BAZ2A: variants seen among roughly 807,000 people sequenced by gnomAD.
The protein encoded by BAZ2A is bromodomain adjacent to zinc finger domain protein 2A.
BAZ2A carries 34 observed loss-of-function variants against 199.9 expected under a neutral mutation model. The observed-to-expected ratio is 0.17, with a 90% confidence interval of 0.13 to 0.23. BAZ2A has a LOEUF of 0.23. Among genes scored for constraint, BAZ2A ranks in the 10% least tolerant of loss-of-function variants. The pLI is 1.00. For missense variants in BAZ2A, 2,002 were observed against 2,391.1 expected (o/e 0.84, Z 3.39); for synonymous variants, 857 against 883.9 (o/e 0.97, Z 0.54).
chr12:56,629,232 G>A (rs1026420316), intron 1 of BAZ2A, among the ~76,000 whole-genome samples: 5 of 152,138 alleles, frequency 3.3e-5, no homozygotes, highest in African/African-American at 1.2e-4. Flanking sequence ...TGTACAGATA[G>A]AGGTGGAAAG....
In BAZ2A at chr12:56,598,578, G is replaced by A; in HGVS notation, c.*40C>T. 2 of 1,595,324 alleles carry A rather than the reference G, an allele frequency of 1.3e-6. No homozygotes were observed. Among genetic ancestry groups the A allele is most frequent in the Middle Eastern group, 1.7e-4 (1 of 6,018 alleles). On this transcript the variant is annotated 3_prime_UTR_variant, in exon 29 of 29. Coordinates refer to ENST00000549884, the MANE Select transcript of BAZ2A (RefSeq NM_001300905.2). Reference sequence around the variant, plus strand: ...AATGGCAGGTTTTTGTTTGGAAGGTGGGGGGAGATGCCACAAGGTGACTCC... The same window carrying A: ...AATGGCAGGTTTTTGTTTGGAAGGTAGGGGGAGATGCCACAAGGTGACTCC...
intron 4 of BAZ2A, 57 bp downstream of exon 4, chr12:56,613,896 G>C (rs1458421716): frequency 1.3e-6 from 2 of 1,527,508 alleles, no homozygotes; most frequent in South Asian, 2.4e-5. Context: ...GTCTCTTTCA[G>C]GTAAAGTTTG....
intron 18 of BAZ2A, 26 bp downstream of exon 18, chr12:56,603,333 C>T (rs757154071): frequency 1.2e-6 from 2 of 1,611,010 alleles, no homozygotes; most frequent in Middle Eastern, 1.6e-4. Flanking sequence ...ATATCTCCAA[C>T]TCTTGGGAGG....
chr12:56,605,419 T>C lies in BAZ2A; in HGVS notation c.2494-92A>G, dbSNP rs181211417. 3.4e-5 allele frequency: 46 copies of C among 1,338,974 alleles called. No individual in the cohort carries two copies. The African/African-American group carries it at 6.7e-4, about 20-fold the overall frequency. 82.9% of individuals were successfully genotyped at this position (1,338,974 alleles called of 1,614,324 possible). ...CAAGAGGTTCTTCCTTTAATTTTTA[T>C]GTAATTTTTTTTTTTTTTTTGAGAT... On this transcript the variant is annotated intron_variant, in intron 13 of 28. Transcript: ENST00000549884.
intron 5 of BAZ2A, 21 bp downstream of exon 5, chr12:56,612,994 G>T: frequency 6.3e-7 from 1 of 1,591,192 alleles, no homozygotes; most frequent in Non-Finnish European, 8.6e-7. Context: ...GTCTTTCTTT[G>T]TCCTACCTAC....
rs1221272224 is a variant in BAZ2A, at chr12:56,630,172, G to A, written c.-50C>T. The A allele has an allele frequency of 1.0e-6, 1 of 985,628 alleles. No individual in the cohort carries two copies. Among genetic ancestry groups the A allele is most frequent in the Non-Finnish European group, 1.2e-6 (1 of 830,068 alleles). 61.1% of individuals were successfully genotyped at this position (985,628 alleles called of 1,614,324 possible). A position where few individuals can be genotyped will look rare whatever the true frequency, so the allele number is the denominator to read the frequency against. On this transcript the variant is annotated 5_prime_UTR_variant, in exon 1 of 29. Coordinates refer to ENST00000549884, the MANE Select transcript of BAZ2A (RefSeq NM_001300905.2). ...GGCTCGGGGCTCGTCTCTCCCCGGG[G>A]TACAAGCGGTTCACATGGCCGCGCT...
At chr12:56,609,645 A>G (rs1022462136) in intron 10 of BAZ2A, 91 bp downstream of exon 10, 6 of 1,313,282 alleles carry the variant, frequency 4.6e-6, no homozygotes, top group Non-Finnish European at 6.4e-6. Flanking sequence ...TGTTAGTTAC[A>G]CTCCTGGGAA....
At position 56,635,790 on chromosome 12, in the gene BAZ2A, G is replaced by A. The variant is rs991084720; in HGVS notation, c.4+392C>T. ...AAAGGCCTTAGAAAAATGAGAGGGA[G>A]GGGAGGCATTTTAAAGACCTTCCAG... is the stretch of plus-strand genomic sequence containing the variant. On this transcript the variant is annotated intron_variant, in intron 1 of 29. Coordinates refer to the BAZ2A transcript ENST00000379441. This position sits in a 1 kb window ranked among gnomAD's most constrained non-coding sequence, Gnocchi z 4.1. 6.6e-6 allele frequency among the ~76,000 whole-genome samples: 1 copy of A among 152,172 alleles called. No individual in the cohort carries two copies. The highest frequency in any genetic ancestry group is 2.1e-4 in the South Asian group (1 of 4,828).
At chr12:56,637,403 A>AT (rs139697666), upstream of BAZ2A, among the ~76,000 whole-genome samples, 634 of 152,334 alleles carry the variant, frequency 4.2e-3, 6 homozygotes, top group African/African-American at 0.015. Flanking sequence ...CCCTTGTAAG[A>AT]TTATCTTTTC....
At chr12:56,611,141 G>A (rs1304772758) in intron 7 of BAZ2A, among the ~76,000 whole-genome samples, 2 of 152,162 alleles carry the variant, frequency 1.3e-5, no homozygotes, top group African/African-American at 4.8e-5. Flanking sequence ...CAGCTAGTTT[G>A]TTCATTTTGG....
rs1186179231 is a variant in BAZ2A, at chr12:56,603,406, C to T, written c.3232G>A (p.Ala1078Thr). 1.2e-6 allele frequency: 2 copies of T among 1,614,040 alleles called. No individual in the cohort carries two copies. The highest frequency in any genetic ancestry group is 1.7e-6 in the Non-Finnish European group (2 of 1,179,892). The change falls in exon 18 of 29, where the codon GCA becomes ACA. Residue 1078 changes from alanine (A) to threonine (T), a missense_variant. By Grantham distance (58) the Ala-to-Thr change is moderately conservative (BLOSUM62 0). Transcript: ENST00000549884. The part of the protein sequence containing the change: ...GRRDGEVDAT[A>T]SSIPELERQI... ...CGCTCTAGCTCTGGGATGCTAGATGCTGTGGCATCAACCTAGGGAGAAACA... is the reference window on the plus strand; with the variant it reads ...CGCTCTAGCTCTGGGATGCTAGATGTTGTGGCATCAACCTAGGGAGAAACA...
chr12:56,600,080 G>A lies in BAZ2A; in HGVS notation c.4909C>T (p.Pro1637Ser), dbSNP rs778579508. 1.9e-6 allele frequency: 3 copies of A among 1,613,972 alleles called. No individual in the cohort carries two copies. Among genetic ancestry groups the A allele is most frequent in the Non-Finnish European group, 2.5e-6 (3 of 1,179,914 alleles). ...TTTEISYEITPRIRVWRQTLE... is the reference protein window; with the variant it reads ...TTTEISYEITSRIRVWRQTLE... ...GTCTGGCGCCAGACACGAATGCGAGGGGTGATCTCATATGATCTGGAGGGA... is the reference window on the plus strand; with the variant it reads ...GTCTGGCGCCAGACACGAATGCGAGAGGTGATCTCATATGATCTGGAGGGA... The change falls in exon 25 of 29, where the codon CCT becomes TCT. Residue 1637 changes from proline to serine, a missense_variant. Around this residue, in one of 6 missense-constraint regions of BAZ2A, gnomAD observed 1,081 missense variants for 1,274.7 expected, o/e 0.85. Transcript: ENST00000549884.
intron 1 of BAZ2A, among the ~76,000 whole-genome samples, chr12:56,628,068 G>C (rs1446921329): frequency 1.3e-5 from 2 of 149,210 alleles, no homozygotes; most frequent in Non-Finnish European, 3.0e-5. Flanking sequence ...TGTAATCCCA[G>C]CTACTCGGGA....
Position 56,605,914 on chromosome 12 carries a change from C to A in BAZ2A, c.2409G>T (p.Arg803Ser). 6.3e-7 allele frequency: 1 copy of A among 1,580,298 alleles called. No homozygotes were observed. Among genetic ancestry groups the A allele is most frequent in the South Asian group, 1.2e-5 (1 of 86,406 alleles). The change falls in exon 13 of 29, where the codon AGG (arginine) becomes AGT (serine). Residue 803 changes from arginine (R) to serine (S), a missense_variant. Transcript: ENST00000549884. ...CKADKTLATQ[R>S]RLEERQRQQM... ...GCTGCCTCTGCCGTTCCTCCAAGCG[C>A]CTCTGTGTGGCCAGGGTCTTATCTG...
In BAZ2A at chr12:56,613,959, C is replaced by A. The variant is rs749873486; in HGVS notation, c.910G>T (p.Ala304Ser). 4.3e-6 allele frequency: 7 copies of A among 1,613,250 alleles called. No homozygotes were observed. The highest frequency in any genetic ancestry group is 5.9e-6 in the Non-Finnish European group (7 of 1,179,476). ...EDSLEPFNSL[A>S]PEPVSGGLYG... Reference sequence around the variant, plus strand: ...ACATAGCCTCCAAACCTACCTGGTGCCAGAGAGTTGAAGGGCTCCAGAGAG... The same window carrying A: ...ACATAGCCTCCAAACCTACCTGGTGACAGAGAGTTGAAGGGCTCCAGAGAG... The change falls in exon 4 of 29, where the codon GCA (alanine) becomes TCA (serine). Residue 304 changes from alanine (A) to serine (S), a missense_variant. Around this residue, in one of 6 missense-constraint regions of BAZ2A, gnomAD observed 641 missense variants for 694.5 expected, o/e 0.92. Coordinates refer to ENST00000549884, the MANE Select transcript of BAZ2A (RefSeq NM_001300905.2).
At chr12:56,624,084 T>TA (rs61664495) in intron 1 of BAZ2A, among the ~76,000 whole-genome samples, 8,070 of 132,246 alleles carry the variant, frequency 0.061, 698 homozygotes, top group African/African-American at 0.2. Flanking sequence ...ATCTCTACAC[T>TA]AAAAAAAAAA....
chr12:56,631,838 A>G (rs1436393264), upstream of BAZ2A, among the ~76,000 whole-genome samples: 1 of 152,116 alleles, frequency 6.6e-6, no homozygotes, highest in Non-Finnish European at 1.5e-5. Flanking sequence ...ATCAGTCTAC[A>G]TTGGATTTCC....
chr12:56,606,202 T>C (rs903746734), intron 12 of BAZ2A, 45 bp downstream of exon 12: 7 of 1,611,964 alleles, frequency 4.3e-6, no homozygotes, highest in Non-Finnish European at 5.9e-6. Context: ...AAAATCAGTT[T>C]AGTGGCTTCG....
rs35960815 is a variant in BAZ2A, at chr12:56,597,637, GAC to G, written c.*979_*980del. 14,563 of 127,092 alleles carry G rather than the reference GAC, an allele frequency of 0.11. 1,000 individuals carry two copies. Among genetic ancestry groups the G allele is most frequent in the Middle Eastern group, 0.21 (55 of 262 alleles). 7.9% of individuals were successfully genotyped at this position (127,092 alleles called of 1,614,324 possible). On this transcript the variant is annotated 3_prime_UTR_variant, in exon 29 of 29. Coordinates refer to ENST00000549884, the MANE Select transcript of BAZ2A (RefSeq NM_001300905.2). ...CACACACACAGCGCGCTCTGAGGCC[GAC>G]ACACACACACACACACACACACACA...
Sources: allele counts gnomAD v4.1 joint callset (sites outside exome capture counted in the v4.1 genomes callset), GRCh38; gene constraint gnomAD v4.1.1; regional missense constraint gnomAD v4.1.1; non-coding constraint Gnocchi (gnomAD v3.1); transcripts MANE v1.5; gene names NCBI Gene and HGNC (gene_info 2026-07-23, HGNC 2026-07-21).